EPHA7: variants seen among roughly 807,000 people sequenced by gnomAD.
EPHA7 encodes ephrin type-A receptor 7.
EPHA7 carries 25 observed loss-of-function variants against 112.6 expected under a neutral mutation model. That is an observed-to-expected ratio of 0.22 (90% confidence interval 0.16 to 0.31). EPHA7 has a LOEUF of 0.31. Ranked by LOEUF, EPHA7 falls within the 10% of genes least tolerant of loss-of-function variation. EPHA7 has a pLI of 1.00. For missense variants in EPHA7, 962 were observed against 1,212.6 expected (o/e 0.79, Z 3.07); for synonymous variants, 437 against 406.5 (o/e 1.07, Z -0.90).
At chr6:93,328,576 C>A (rs1774437254) in intron 5 of EPHA7, among the ~76,000 whole-genome samples, 1 of 151,520 alleles carries the variant, frequency 6.6e-6, no homozygotes, top group Non-Finnish European at 1.5e-5. Context: ...AATCATCTTT[C>A]CTCACCCAAA....
rs1236883828 is a variant in EPHA7 at position 93,386,357 on chromosome 6, C to A, written c.832+24144G>T. ...GAAACTGGCCAAAATGAAGAAGCTA[C>A]AAGCCCCATGCAGGTCCAAAATCCA... On this transcript the variant is annotated intron_variant, in intron 3 of 16. Coordinates refer to ENST00000369303, the MANE Select transcript of EPHA7 (RefSeq NM_004440.4). 2.6e-5 allele frequency among the ~76,000 whole-genome samples: 4 copies of A among 152,164 alleles called. No homozygotes were observed. In the East Asian group the frequency reaches 5.8e-4, roughly 22 times the overall value.
intron 5 of EPHA7, among the ~76,000 whole-genome samples, chr6:93,315,114 G>A (rs985310019): frequency 3.3e-5 from 5 of 149,778 alleles, no homozygotes; most frequent in African/African-American, 1.0e-4. Flanking sequence ...CGCCCGCCTC[G>A]GCCTCCCAAA....
At chr6:93,383,337 G>A (rs763643788) in intron 3 of EPHA7, among the ~76,000 whole-genome samples, 22 of 151,746 alleles carry the variant, frequency 1.4e-4, no homozygotes, top group South Asian at 6.2e-4. Flanking sequence ...GTGTGTGTGT[G>A]TGTGTATAAT....
rs149602525 is a variant in EPHA7, at chr6:93,259,405, C to T, written c.1873G>A (p.Ala625Thr). Residue 625 changes from alanine to threonine, a missense_variant, in exon 10 of 17, where the codon GCC (alanine) becomes ACC (threonine). Ala to Thr is a moderately conservative substitution (Grantham distance 58). Transcript: ENST00000369303. ...EDPNRAVHQF[A>T]KELDASCIKI... ...ATACAGGAGGCATCTAGCTCCTTGG[C>T]GAATTGATGGACAGCTCTATTTGGG... is the stretch of plus-strand genomic sequence containing the variant. The T allele has an allele frequency of 6.0e-4, 974 of 1,612,088 alleles. 2 individuals carry two copies. Among genetic ancestry groups the T allele is most frequent in the Non-Finnish European group, 4.8e-4 (562 of 1,178,516 alleles).
intron 3 of EPHA7, among the ~76,000 whole-genome samples, chr6:93,381,687 T>C (rs1292869538): frequency 7.2e-5 from 11 of 152,020 alleles, no homozygotes. Flanking sequence ...GAAAAAACAA[T>C]TACATCCTGG....
intron 3 of EPHA7, among the ~76,000 whole-genome samples, chr6:93,363,974 A>C (rs1776378601): frequency 6.6e-6 from 1 of 152,228 alleles, no homozygotes; most frequent in South Asian, 2.1e-4. Context: ...TTCAATTTAC[A>C]TAAAATATCC....
intron 3 of EPHA7, among the ~76,000 whole-genome samples, chr6:93,400,559 G>A (rs1582671176): frequency 1.3e-5 from 2 of 152,048 alleles, no homozygotes; most frequent in East Asian, 3.9e-4. Context: ...TAGAAACAAG[G>A]TCTAACTGTC....
At chr6:93,355,373 T>G (rs164541) in intron 5 of EPHA7, among the ~76,000 whole-genome samples, 1 of 152,268 alleles carries the variant, frequency 6.6e-6, no homozygotes, top group South Asian at 2.1e-4. Context: ...GTTTTCATTA[T>G]GTAGATATAA....
chr6:93,306,882 G>A (rs1773286205), intron 5 of EPHA7, among the ~76,000 whole-genome samples: 3 of 151,774 alleles, frequency 2.0e-5, no homozygotes, highest in Admixed American at 6.6e-5. Flanking sequence ...TCTAGAAGGA[G>A]AAAAAAACTC....
intron 3 of EPHA7, among the ~76,000 whole-genome samples, chr6:93,374,709 G>T (rs959270965): frequency 6.6e-6 from 1 of 152,132 alleles, no homozygotes; most frequent in Non-Finnish European, 1.5e-5. Flanking sequence ...TTCAACTCCT[G>T]AGTTCAAGTG....
At chr6:93,354,738 G>T (rs1775860434) in intron 5 of EPHA7, among the ~76,000 whole-genome samples, 1 of 151,038 alleles carries the variant, frequency 6.6e-6, no homozygotes, top group South Asian at 2.1e-4. Context: ...TTTGATTCCA[G>T]AAACTTACAG....
chr6:93,330,237 T>A (rs1281235861), intron 5 of EPHA7, among the ~76,000 whole-genome samples: 1 of 151,304 alleles, frequency 6.6e-6, no homozygotes, highest in Non-Finnish European at 1.5e-5. Flanking sequence ...AATGATGAAA[T>A]TAGATTGATT....
intron 14 of EPHA7, among the ~76,000 whole-genome samples, chr6:93,251,609 A>G (rs1335172938): frequency 9.2e-6 from 1 of 109,176 alleles, no homozygotes; most frequent in African/African-American, 2.8e-5. Flanking sequence ...TAAGAAAAAT[A>G]CTGCTAGAAG....
rs1776062537 is a variant in EPHA7, at chr6:93,358,363, G to A, written c.881C>T (p.Ser294Phe). ...YKSSSQDLQCSRCPTHSFSDK... is the reference protein window; with the variant it reads ...YKSSSQDLQCFRCPTHSFSDK... The stretch of plus-strand genomic sequence containing the variant: ...AGAAAAACTGTGAGTTGGACAACGA[G>A]AGCACTGAAGATCTTGAGAGGAAGA... Residue 294 changes from serine to phenylalanine, a missense_variant, in exon 4 of 17, where the codon TCT (serine) becomes TTT (phenylalanine). Ser to Phe is a radical substitution (Grantham distance 155). Transcript: ENST00000369303. The A allele has an allele frequency of 6.2e-7, 1 of 1,612,554 alleles. No individual in the cohort carries two copies. The highest frequency in any genetic ancestry group is 1.3e-5 in the African/African-American group (1 of 74,824).
chr6:93,248,000 C>G (rs1013630712), intron 14 of EPHA7, among the ~76,000 whole-genome samples: 3 of 151,856 alleles, frequency 2.0e-5, no homozygotes, highest in African/African-American at 7.3e-5. Context: ...AGAAGACAAA[C>G]AGCAGAAATA....
intron 3 of EPHA7, among the ~76,000 whole-genome samples, chr6:93,362,696 A>G (rs1410267577): frequency 6.6e-6 from 1 of 152,150 alleles, no homozygotes; most frequent in Non-Finnish European, 1.5e-5. Context: ...CAATCAGGGT[A>G]CTGGTATAAC....
chr6:93,356,210 G>GTT (rs536469616), intron 5 of EPHA7, among the ~76,000 whole-genome samples: 61 of 147,746 alleles, frequency 4.1e-4, no homozygotes, highest in Admixed American at 1.1e-3. Flanking sequence ...TTTATCTCCT[G>GTT]TTTTTTTTTT....
intron 3 of EPHA7, among the ~76,000 whole-genome samples, chr6:93,398,861 TA>T (rs1778306116): frequency 6.6e-6 from 1 of 152,066 alleles, no homozygotes; most frequent in African/African-American, 2.4e-5. Context: ...TTAGACACAG[TA>T]AAGAACATGT....
At chr6:93,260,217 G>C (rs1009504271) in intron 9 of EPHA7, among the ~76,000 whole-genome samples, 7 of 151,832 alleles carry the variant, frequency 4.6e-5, no homozygotes, top group African/African-American at 1.7e-4. Flanking sequence ...CAATTATAAG[G>C]CTCTGGAAGA....
Sources: allele counts gnomAD v4.1 joint callset (sites outside exome capture counted in the v4.1 genomes callset), GRCh38; gene constraint gnomAD v4.1.1; transcripts MANE v1.5; gene names NCBI Gene and HGNC (gene_info 2026-07-23, HGNC 2026-07-21).